The following RASA3 variants were observed in gnomAD, a reference collection of about 807,000 sequenced individuals.
RASA3 encodes the protein ras GTPase-activating protein 3.
RASA3 carries 73 observed loss-of-function variants against 110.0 expected under a neutral mutation model. The ratio of observed to expected loss-of-function variants is 0.66; its 90% CI spans 0.55 to 0.81. The LOEUF is 0.81. RASA3 is among the 30% of genes least tolerant of loss of function. The probability of loss-of-function intolerance (pLI) is 0.00; values close to 1 mark genes in which losing one functional copy is unlikely to be tolerated. For missense variants in RASA3, 976 were observed against 1,113.2 expected, an observed-to-expected ratio of 0.88 and a Z score of 1.75; for synonymous variants, 500 against 451.4, an observed-to-expected ratio of 1.11 and a Z score of -1.37.
At chr13:114,051,967 C>T in intron 3 of RASA3, 85 bp downstream of exon 3, 6 of 1,112,146 alleles carry the variant, frequency 5.4e-6, no homozygotes, top group Non-Finnish European at 6.7e-6. Flanking sequence ...CAGCACCATC[C>T]AGCCAGGCTC....
rs537856067 is a variant in RASA3, at chr13:114,018,172, G to C, written c.1023C>G (p.Leu341=). ...GCACCACCCTGCCATAGTGTAGGAAGAGCCGCACCAGCGGGACGGCCGCCT... is the reference window on the plus strand; with the variant it reads ...GCACCACCCTGCCATAGTGTAGGAACAGCCGCACCAGCGGGACGGCCGCCT... ...KQEAAVPLVR[L]FLHYGRVVPF... is the part of the protein sequence containing the mutation. The change falls in exon 11 of 24, where the codon CTC becomes CTG. Residue 341 remains leucine, a synonymous_variant. Transcript: ENST00000334062. 51 of 1,551,362 alleles carry C rather than the reference G, an allele frequency of 3.3e-5. No homozygotes were observed. The South Asian group carries it at 5.7e-4, about 17-fold the overall frequency.
intron 1 of RASA3, among the ~76,000 whole-genome samples, chr13:114,105,726 C>T (rs9525260): frequency 0.3 from 46,297 of 152,188 alleles, 8,339 homozygotes; most frequent in Non-Finnish European, 0.41. Flanking sequence ...AGGCTCTGAG[C>T]AGCCCGTCCG....
At chr13:114,024,171 G>A in intron 8 of RASA3, 108 bp downstream of exon 8, 1 of 1,130,494 alleles carries the variant, frequency 8.8e-7, no homozygotes, top group Non-Finnish European at 1.3e-6. Context: ...CCAAGAAAAT[G>A]GAAATTCATT....
intron 1 of RASA3, among the ~76,000 whole-genome samples, chr13:114,079,033 G>A (rs1241283386): frequency 6.6e-6 from 1 of 152,226 alleles, no homozygotes. Flanking sequence ...ACACAGCAGC[G>A]GGCGTCTCCC....
chr13:114,041,641 C>A (rs542231014), intron 3 of RASA3, among the ~76,000 whole-genome samples: 1 of 152,240 alleles, frequency 6.6e-6, no homozygotes, highest in African/African-American at 2.4e-5. Flanking sequence ...CGTGTGCACC[C>A]GTGCGAGCGA....
intron 3 of RASA3, among the ~76,000 whole-genome samples, chr13:114,043,837 G>GCCCCCCCCCCCC (rs544129523): frequency 1.9e-3 from 44 of 22,824 alleles, no homozygotes; most frequent in Non-Finnish European, 2.3e-3. Flanking sequence ...CACTCGCTGA[G>GCCCCCCCCCCCC]CCCCCCGCCC....
intron 1 of RASA3, among the ~76,000 whole-genome samples, chr13:114,124,900 T>C (rs1256218558): frequency 6.6e-6 from 1 of 152,190 alleles, no homozygotes; most frequent in Non-Finnish European, 1.5e-5. Flanking sequence ...ACCGTATACA[T>C]AGTTGCACAT....
chr13:114,102,033 G>A (rs768649005), intron 1 of RASA3, among the ~76,000 whole-genome samples: 9 of 152,296 alleles, frequency 5.9e-5, no homozygotes, highest in Non-Finnish European at 8.8e-5. Context: ...GCCCAGCACC[G>A]AAGGACCTGC....
chr13:114,024,507 T>C (rs2053991505), intron 7 of RASA3, 152 bp from the exon 8 acceptor site: 1 of 732,168 alleles, frequency 1.4e-6, no homozygotes, highest in Non-Finnish European at 2.3e-6. Flanking sequence ...GATTCGGGAT[T>C]CAGGCCTGGC....
At chr13:114,107,315 G>A (rs759790361) in intron 1 of RASA3, among the ~76,000 whole-genome samples, 29 of 152,152 alleles carry the variant, frequency 1.9e-4, no homozygotes, top group Middle Eastern at 3.4e-3. Context: ...CGGGGGACGG[G>A]CCTGTGTGTC....
chr13:114,018,346 A>G (rs1260628234), intron 10 of RASA3, 94 bp from the exon 11 acceptor site: 4 of 1,393,790 alleles, frequency 2.9e-6, no homozygotes, highest in African/African-American at 1.5e-5. Context: ...TCCAGCCACA[A>G]TAGATACGGC....
chr13:114,117,065 T>G (rs1594473595), intron 1 of RASA3, among the ~76,000 whole-genome samples: 1 of 97,992 alleles, frequency 1.0e-5, no homozygotes, highest in East Asian at 3.2e-4. Flanking sequence ...GGGGTGCATG[T>G]GTGTGGGGGT....
intron 18 of RASA3, among the ~76,000 whole-genome samples, chr13:114,001,548 G>A (rs1283330968): frequency 3.3e-5 from 5 of 149,410 alleles, no homozygotes; most frequent in African/African-American, 9.9e-5. Flanking sequence ...CTACAGCCGC[G>A]GGCTCAGGGT....
chr13:114,030,608 G>C (rs1041330507), intron 4 of RASA3, among the ~76,000 whole-genome samples: 6 of 152,222 alleles, frequency 3.9e-5, no homozygotes, highest in African/African-American at 1.4e-4. Context: ...TGCCCTGCGG[G>C]TCCACCTGTC....
chr13:114,031,530 G>C (rs1310392327), intron 4 of RASA3, among the ~76,000 whole-genome samples: 1 of 90,290 alleles, frequency 1.1e-5, no homozygotes, highest in Non-Finnish European at 2.1e-5. Context: ...GTGGCTGTGT[G>C]TCCACCTGTG....
intron 7 of RASA3, among the ~76,000 whole-genome samples, chr13:114,026,015 C>T (rs566740064): frequency 2.6e-5 from 4 of 152,364 alleles, no homozygotes; most frequent in African/African-American, 9.6e-5. Flanking sequence ...CAGCGGTCAG[C>T]GAGGTCCGGG....
At chr13:114,079,979 G>A (rs1011343498) in intron 1 of RASA3, among the ~76,000 whole-genome samples, 4 of 152,184 alleles carry the variant, frequency 2.6e-5, no homozygotes, top group Admixed American at 2.6e-4. Flanking sequence ...TGACCCCCAC[G>A]ACCCCTGGCA....
At chr13:114,000,528 C>T (rs1240519391) in intron 19 of RASA3, among the ~76,000 whole-genome samples, 6 of 152,170 alleles carry the variant, frequency 3.9e-5, no homozygotes, top group East Asian at 1.9e-4. Context: ...CATGACGAGG[C>T]GACCAGAGGA....
intron 22 of RASA3, among the ~76,000 whole-genome samples, chr13:113,989,041 A>G (rs1265574158): frequency 7.3e-6 from 1 of 136,088 alleles, no homozygotes; most frequent in African/African-American, 2.9e-5. Context: ...TCCACCCATC[A>G]CTCACCCATC....
Sources: allele counts gnomAD v4.1 joint callset (sites outside exome capture counted in the v4.1 genomes callset), GRCh38; gene constraint gnomAD v4.1.1; transcripts MANE v1.5; gene names NCBI Gene and HGNC (gene_info 2026-07-23, HGNC 2026-07-21).